Variants in RBMS3 observed in about 807,000 individuals in gnomAD.
RBMS3 encodes RNA-binding motif, single-stranded-interacting protein 3.
A neutral mutation model predicts 66.8 loss-of-function variants in RBMS3; 27 were observed. That is an observed-to-expected ratio of 0.40 (90% CI 0.30 to 0.56). The LOEUF is 0.56. Among genes scored for constraint, RBMS3 ranks in the 20% least tolerant of loss-of-function variants. The probability of loss-of-function intolerance (pLI) is 0.40; values close to 1 mark genes in which losing one functional copy is unlikely to be tolerated. For missense variants in RBMS3, 513 were observed against 549.5 expected (o/e 0.93, Z 0.66); for synonymous variants, 188 against 183.0 (o/e 1.03, Z -0.22).
chr3:29,881,392 G>T (rs573982559), intron 7 of RBMS3, among the ~76,000 whole-genome samples: 50 of 152,198 alleles, frequency 3.3e-4, no homozygotes, highest in African/African-American at 1.2e-3. Context: ...CTTTACAAAC[G>T]TAATCTCTTT....
At chr3:29,320,418 A>C (rs1174337737) in intron 1 of RBMS3, among the ~76,000 whole-genome samples, 1 of 152,112 alleles carries the variant, frequency 6.6e-6, no homozygotes, top group Non-Finnish European at 1.5e-5. Context: ...GAGTAAAAAA[A>C]TAAATACATG....
chr3:29,364,805 T>C (rs1035627803), intron 1 of RBMS3, among the ~76,000 whole-genome samples: 3 of 152,174 alleles, frequency 2.0e-5, no homozygotes, highest in Non-Finnish European at 2.9e-5. Context: ...GTGCATATCC[T>C]TTTATGCCTT....
At chr3:29,925,364 G>T (rs2060909571) in intron 10 of RBMS3, 1 of 152,090 alleles carries the variant, frequency 6.6e-6, no homozygotes, top group Admixed American at 6.5e-5. Context: ...TTAAGCAGAT[G>T]ACGTTATTTG....
chr3:29,512,611 C>CAT (rs2044458260), intron 3 of RBMS3, among the ~76,000 whole-genome samples: 1 of 151,924 alleles, frequency 6.6e-6, no homozygotes, highest in Non-Finnish European at 1.5e-5. Context: ...AGAAACTGAC[C>CAT]CAAAGACTTG....
chr3:29,868,068 C>T (rs1415097821), intron 6 of RBMS3, among the ~76,000 whole-genome samples: 1 of 151,530 alleles, frequency 6.6e-6, no homozygotes, highest in Non-Finnish European at 1.5e-5. Context: ...AACATCAGTT[C>T]TCAAAGAATA....
intron 1 of RBMS3, among the ~76,000 whole-genome samples, chr3:29,364,229 A>T (rs1162498429): frequency 6.6e-6 from 1 of 151,264 alleles, no homozygotes; most frequent in African/African-American, 2.5e-5. Flanking sequence ...ATAGAGTGAT[A>T]TGTTATATAA....
intron 6 of RBMS3, among the ~76,000 whole-genome samples, chr3:29,772,095 C>T (rs141041187): frequency 0.011 from 1,713 of 152,004 alleles, 8 homozygotes; most frequent in Non-Finnish European, 0.019. Context: ...ATGCAGTGTG[C>T]AAAGAATTAA....
intron 4 of RBMS3, among the ~76,000 whole-genome samples, chr3:29,691,824 C>T (rs932940946): frequency 1.3e-5 from 2 of 152,072 alleles, no homozygotes; most frequent in African/African-American, 2.4e-5. Context: ...TTTTCTCTGT[C>T]ACATAACAAT....
chr3:29,420,202 C>G (rs573860021), intron 1 of RBMS3, among the ~76,000 whole-genome samples: 1 of 152,302 alleles, frequency 6.6e-6, no homozygotes, highest in East Asian at 1.9e-4. Flanking sequence ...TACTTTTCCT[C>G]TATTATATCA....
At chr3:29,618,500 C>CT (rs1169004493) in intron 4 of RBMS3, among the ~76,000 whole-genome samples, 2 of 151,356 alleles carry the variant, frequency 1.3e-5, no homozygotes, top group Non-Finnish European at 2.9e-5. Flanking sequence ...AGCAAAAACT[C>CT]TATCTCAAAA....
At chr3:29,524,365 C>G (rs527301279) in intron 3 of RBMS3, among the ~76,000 whole-genome samples, 2 of 146,900 alleles carry the variant, frequency 1.4e-5, no homozygotes, top group South Asian at 4.4e-4. Context: ...ACACTGTACA[C>G]TGATTTCATA....
At chr3:29,592,131 T>A (rs1236807996) in intron 4 of RBMS3, among the ~76,000 whole-genome samples, 1 of 151,334 alleles carries the variant, frequency 6.6e-6, no homozygotes, top group Non-Finnish European at 1.5e-5. Context: ...ACTTGACATA[T>A]AAAAAGATGA....
At chr3:29,284,987 A>G (rs1232854269) in intron 1 of RBMS3, among the ~76,000 whole-genome samples, 3 of 151,034 alleles carry the variant, frequency 2.0e-5, no homozygotes, top group African/African-American at 7.3e-5. Context: ...ACCGGATGAA[A>G]AAATAGTTTA....
chr3:29,847,640 G>GT lies in RBMS3; in HGVS notation c.638-21214dup, dbSNP rs1411354566. On this transcript the variant is annotated intron_variant, in intron 6 of 14. Coordinates refer to ENST00000383767, the MANE Select transcript of RBMS3 (RefSeq NM_001003793.3). Reference sequence around the variant, plus strand: ...TAAATCTGGGCCACTCCAATTTTGTGTTTTATTTTTTTTTTTTTATTTTTT... The same window carrying GT: ...TAAATCTGGGCCACTCCAATTTTGTGTTTTTATTTTTTTTTTTTTATTTTTT... Among the ~76,000 whole-genome samples the GT allele has an allele frequency of 2.0e-4, 30 of 148,394 alleles. No homozygotes were observed. In the East Asian group the frequency reaches 4.5e-3, roughly 22 times the overall value.
At chr3:29,373,730 T>C (rs981979657) in intron 1 of RBMS3, among the ~76,000 whole-genome samples, 2 of 152,218 alleles carry the variant, frequency 1.3e-5, no homozygotes, top group Non-Finnish European at 2.9e-5. Flanking sequence ...ATTTTTGATA[T>C]TCTTCTAGCT....
chr3:29,444,938 A>G (rs1202245668), intron 2 of RBMS3, among the ~76,000 whole-genome samples: 1 of 150,802 alleles, frequency 6.6e-6, no homozygotes, highest in Non-Finnish European at 1.5e-5. Flanking sequence ...CCATTTCAGT[A>G]ACTCCTCTTT....
At chr3:29,306,116 T>C (rs574017530) in intron 1 of RBMS3, among the ~76,000 whole-genome samples, 2 of 152,080 alleles carry the variant, frequency 1.3e-5, no homozygotes, top group East Asian at 3.9e-4. Context: ...TCGCACAGTA[T>C]GGATATTTGA....
intron 2 of RBMS3, among the ~76,000 whole-genome samples, chr3:29,437,858 A>G (rs1046691815): frequency 2.6e-5 from 4 of 152,088 alleles, no homozygotes; most frequent in African/African-American, 9.7e-5. Context: ...AGACCTCATT[A>G]TTTATCTGCC....
intron 1 of RBMS3, among the ~76,000 whole-genome samples, chr3:29,392,716 C>A (rs1263575455): frequency 6.6e-6 from 1 of 152,224 alleles, no homozygotes; most frequent in African/African-American, 2.4e-5. Flanking sequence ...AACACACAGA[C>A]ATACACACAG....
Sources: gnomAD v4.1 joint callset for allele counts (sites outside exome capture counted in the v4.1 genomes callset) on GRCh38, gnomAD v4.1.1 for gene constraint, MANE v1.5 for transcripts, NCBI Gene and HGNC (gene_info 2026-07-23, HGNC 2026-07-21) for gene names.